The following PRKG1 variants were observed in gnomAD, a reference collection of about 807,000 sequenced individuals.
The protein encoded by PRKG1 is protein kinase cGMP-dependent 1.
A neutral mutation model predicts 88.1 loss-of-function variants in PRKG1; 35 were observed. The ratio of observed to expected loss-of-function variants is 0.40; its 90% confidence interval spans 0.30 to 0.53. The LOEUF is 0.53. Among genes scored for constraint, PRKG1 ranks in the 20% least tolerant of loss-of-function variants. The probability of loss-of-function intolerance (pLI) is 0.59; values close to 1 mark genes in which losing one functional copy is unlikely to be tolerated. For synonymous variants in PRKG1, 303 were observed against 292.5 expected (o/e 1.04, Z -0.37); for missense variants, 540 against 839.8 (o/e 0.64, Z 4.41).
chr10:51,988,156 A>G (rs1844211369), intron 5 of PRKG1, among the ~76,000 whole-genome samples: 1 of 152,036 alleles, frequency 6.6e-6, no homozygotes, highest in South Asian at 2.1e-4. Flanking sequence ...GTTATGGGGA[A>G]TATCATTAAA....
At chr10:51,908,733 A>ATATATATATATTTT (rs60587885) in intron 5 of PRKG1, 1 of 131,666 alleles carries the variant, frequency 7.6e-6, no homozygotes. Context: ...ATCTATATGT[A>ATATATATATATTTT]ATTTTTTTTT....
chr10:52,008,759 A>G (rs1332057940), intron 5 of PRKG1, among the ~76,000 whole-genome samples: 2 of 151,736 alleles, frequency 1.3e-5, no homozygotes, highest in African/African-American at 4.8e-5. Context: ...TTCAACAGGA[A>G]TGTAATAGAT....
At chr10:51,020,107 A>G (rs1843116712) in intron 1 of PRKG1, among the ~76,000 whole-genome samples, 1 of 152,210 alleles carries the variant, frequency 6.6e-6, no homozygotes, top group South Asian at 2.1e-4. Context: ...TCAAAAAATT[A>G]AAAATAGAAT....
At chr10:51,912,422 A>G (rs960448250) in intron 5 of PRKG1, among the ~76,000 whole-genome samples, 1 of 152,200 alleles carries the variant, frequency 6.6e-6, no homozygotes, top group African/African-American at 2.4e-5. Flanking sequence ...AGAATGGATT[A>G]CTGAGGGAAA....
In PRKG1 at chr10:51,087,378, A is replaced by C. The variant is rs914479898; in HGVS notation, c.311+12477A>C. 8.5e-5 allele frequency among the ~76,000 whole-genome samples: 13 copies of C among 152,198 alleles called. 1 individual carries two copies. Among genetic ancestry groups the C allele is most frequent in the South Asian group, 2.1e-4 (1 of 4,832 alleles). The stretch of plus-strand genomic sequence containing the variant: ...GTATACCATATATGTGATCTCATTT[A>C]ATTCTCACAGCAATCTGATAAAGTA... On this transcript the variant is annotated intron_variant, in intron 1 of 17. Transcript: ENST00000373980.
chr10:52,097,121 G>A (rs1310264502), intron 7 of PRKG1, among the ~76,000 whole-genome samples: 1 of 152,118 alleles, frequency 6.6e-6, no homozygotes, highest in Non-Finnish European at 1.5e-5. Context: ...TACAGCTTAA[G>A]ATACAGAATT....
chr10:52,114,846 A>C (rs1466309898), intron 7 of PRKG1, among the ~76,000 whole-genome samples: 2 of 152,154 alleles, frequency 1.3e-5, no homozygotes, highest in Non-Finnish European at 2.9e-5. Context: ...GTGCACCAGC[A>C]CGTCAGCATT....
intron 1 of PRKG1, among the ~76,000 whole-genome samples, chr10:51,028,863 T>C (rs1843243290): frequency 6.6e-6 from 1 of 152,202 alleles, no homozygotes; most frequent in South Asian, 2.1e-4. Flanking sequence ...TAATTTAACA[T>C]GTTACCTAAA....
intron 9 of PRKG1, among the ~76,000 whole-genome samples, chr10:52,212,312 C>T (rs183378993): frequency 6.6e-6 from 1 of 152,290 alleles, no homozygotes; most frequent in Admixed American, 6.5e-5. Flanking sequence ...AGGTTACAGT[C>T]TGTTTACACC....
At chr10:52,175,986 C>T (rs563004034) in intron 9 of PRKG1, among the ~76,000 whole-genome samples, 11 of 152,090 alleles carry the variant, frequency 7.2e-5, no homozygotes, top group African/African-American at 2.6e-4. Context: ...TGTGCAGAAG[C>T]CTTTCAGACT....
chr10:51,433,467 C>T (rs1838829329), intron 2 of PRKG1, among the ~76,000 whole-genome samples: 1 of 152,002 alleles, frequency 6.6e-6, no homozygotes, highest in South Asian at 2.1e-4. Context: ...ATGGAAAGTC[C>T]AATATATGGC....
intron 2 of PRKG1, among the ~76,000 whole-genome samples, chr10:51,256,354 C>G (rs1004766558): frequency 1.6e-4 from 25 of 152,126 alleles, no homozygotes; most frequent in African/African-American, 5.8e-4. Context: ...TTTTCATTCC[C>G]AAAGCTATAA....
intron 3 of PRKG1, among the ~76,000 whole-genome samples, chr10:51,695,199 C>T (rs1001714948): frequency 6.6e-6 from 1 of 152,082 alleles, no homozygotes; most frequent in Non-Finnish European, 1.5e-5. Flanking sequence ...AAGATAGCTA[C>T]GAGGTGCTAT....
intron 5 of PRKG1, among the ~76,000 whole-genome samples, chr10:52,006,267 G>T (rs1475420432): frequency 6.6e-6 from 1 of 152,102 alleles, no homozygotes; most frequent in Non-Finnish European, 1.5e-5. Flanking sequence ...CCTAGCAAGG[G>T]TTCTCAACAA....
In PRKG1 at chr10:51,832,992, G is replaced by A. The variant is rs549354624; in HGVS notation, c.698+28302G>A. Among the ~76,000 whole-genome samples the A allele has an allele frequency of 3.9e-5, 6 of 152,220 alleles. No individual in the cohort carries two copies. The East Asian group carries it at 9.6e-4, about 24-fold the overall frequency. The stretch of plus-strand genomic sequence containing the variant: ...TGGTTAATGTCGATTACAGGGAGGG[G>A]GTTCACAATTGAAAATAGAAATCTA... On this transcript the variant is annotated intron_variant, in intron 4 of 17. Transcript: ENST00000373980.
chr10:52,160,239 A>C (rs1182918802), intron 8 of PRKG1, among the ~76,000 whole-genome samples: 1 of 151,944 alleles, frequency 6.6e-6, no homozygotes, highest in Non-Finnish European at 1.5e-5. Context: ...GAAAGTGGGA[A>C]ATTTTACCAT....
At chr10:52,247,393 A>G (rs1439471196) in intron 9 of PRKG1, among the ~76,000 whole-genome samples, 2 of 152,314 alleles carry the variant, frequency 1.3e-5, no homozygotes, top group African/African-American at 4.8e-5. Context: ...CCTCAGACCC[A>G]GTATCCCACA....
At chr10:51,097,669 C>T (rs905025057) in intron 1 of PRKG1, among the ~76,000 whole-genome samples, 4 of 152,136 alleles carry the variant, frequency 2.6e-5, no homozygotes, top group African/African-American at 9.7e-5. Context: ...GCACTTCCAA[C>T]AAGGATTGCA....
intron 1 of PRKG1, among the ~76,000 whole-genome samples, chr10:51,053,533 C>T (rs941274663): frequency 2.0e-5 from 3 of 152,058 alleles, no homozygotes; most frequent in African/African-American, 7.2e-5. Flanking sequence ...ATGCATCACC[C>T]CCCATGGTAA....
Sources: allele counts gnomAD v4.1 joint callset (sites outside exome capture counted in the v4.1 genomes callset), GRCh38; gene constraint gnomAD v4.1.1; transcripts MANE v1.5; gene names NCBI Gene and HGNC (gene_info 2026-07-23, HGNC 2026-07-21).